Variants in TCF7L2 observed in about 807,000 individuals in gnomAD.
TCF7L2 encodes the protein transcription factor 7 like 2.
TCF7L2 carries 23 observed loss-of-function variants against 77.9 expected under a neutral mutation model. The ratio of observed to expected loss-of-function variants is 0.30; its 90% CI spans 0.21 to 0.42. The LOEUF is 0.42. Among genes scored for constraint, TCF7L2 ranks in the 10% least tolerant of loss-of-function variants. The pLI, the probability that TCF7L2 is intolerant of heterozygous loss-of-function variation, is 1.00. For synonymous variants in TCF7L2, 413 were observed against 340.2 expected (o/e 1.21, Z -2.36); for missense variants, 654 against 793.1 (o/e 0.82, Z 2.11).
chr10:113,130,774 A>ATTT (rs1237062508), intron 5 of TCF7L2, among the ~76,000 whole-genome samples: 4 of 151,058 alleles, frequency 2.6e-5, no homozygotes, highest in Non-Finnish European at 5.9e-5. Flanking sequence ...TATTATTATT[A>ATTT]TTATTTTTGA....
rs1592551662 is a variant in TCF7L2, at chr10:113,165,698, A to G, written c.1535A>G (p.Glu512Gly). The change falls in exon 14 of 14, where the codon GAG becomes GGG. Residue 512 changes from glutamate to glycine, a missense_variant. Glu to Gly is a moderately conservative substitution (Grantham distance 98). Around this residue, in one of 6 missense-constraint regions of TCF7L2, gnomAD observed 272 missense variants for 215.4 expected, o/e 1.26. Transcript: ENST00000627217. ...CCCCGAGACGCCAAGTCACAGACTG[A>G]GCAGACCCAGCCTCTGTCGCTGTCC... The G allele has an allele frequency of 6.2e-7, 1 of 1,607,448 alleles. No individual in the cohort carries two copies. Among genetic ancestry groups the G allele is most frequent in the Non-Finnish European group, 8.5e-7 (1 of 1,178,608 alleles).
intron 5 of TCF7L2, among the ~76,000 whole-genome samples, chr10:113,049,673 A>G (rs991379547): frequency 1.3e-5 from 2 of 152,166 alleles, no homozygotes; most frequent in Admixed American, 1.3e-4. Context: ...CCTTAGACAG[A>G]TCATATCACA....
Position 113,041,149 on chromosome 10 carries a change from T to C in TCF7L2, c.552+1023T>C, listed in dbSNP as rs565444748. 1.7e-4 allele frequency among the ~76,000 whole-genome samples: 26 copies of C among 152,364 alleles called. 1 individual carries two copies. The East Asian group carries it at 5.0e-3, about 29-fold the overall frequency. ...TTGCTGTAATTGAGCATGTGTTATTTAATGAGTTATACCTCTGTCATATGT... is the reference window on the plus strand; with the variant it reads ...TTGCTGTAATTGAGCATGTGTTATTCAATGAGTTATACCTCTGTCATATGT... On this transcript the variant is annotated intron_variant, in intron 5 of 13. Coordinates refer to ENST00000627217, the MANE Select transcript of TCF7L2 (RefSeq NM_001146274.2).
chr10:113,068,982 G>A (rs1477115073), intron 5 of TCF7L2, among the ~76,000 whole-genome samples: 1 of 151,470 alleles, frequency 6.6e-6, no homozygotes, highest in African/African-American at 2.4e-5. Flanking sequence ...TCTTTGGATG[G>A]GGTGTTTGTG....
intron 4 of TCF7L2, among the ~76,000 whole-genome samples, chr10:112,976,773 C>CT (rs2039500009): frequency 6.6e-6 from 1 of 152,290 alleles, no homozygotes; most frequent in African/African-American, 2.4e-5. Flanking sequence ...TGTTCGACCA[C>CT]TTTGTCAACT....
intron 5 of TCF7L2, among the ~76,000 whole-genome samples, chr10:113,053,545 G>A (rs1232724716): frequency 6.6e-6 from 1 of 152,162 alleles, no homozygotes; most frequent in African/African-American, 2.4e-5. Flanking sequence ...ATAGACCGGA[G>A]CTTTGGTTCT....
chr10:113,027,416 GAA>G (rs1324064606), intron 4 of TCF7L2, among the ~76,000 whole-genome samples: 1 of 152,174 alleles, frequency 6.6e-6, no homozygotes, highest in Non-Finnish European at 1.5e-5. Context: ...TCTCCAGGGA[GAA>G]AGTCTTTCTT....
At chr10:112,969,496 C>T (rs1217547367) in intron 4 of TCF7L2, among the ~76,000 whole-genome samples, 1 of 152,230 alleles carries the variant, frequency 6.6e-6, no homozygotes, top group Non-Finnish European at 1.5e-5. Context: ...TCTGTTTATA[C>T]ACCAAGAGTA....
chr10:113,134,638 C>G (rs2067133891), intron 5 of TCF7L2, among the ~76,000 whole-genome samples: 1 of 152,200 alleles, frequency 6.6e-6, no homozygotes, highest in South Asian at 2.1e-4. Flanking sequence ...TGATGTGAAA[C>G]TTTTATTAAC....
chr10:113,061,315 C>T (rs943667484), intron 5 of TCF7L2, among the ~76,000 whole-genome samples: 3 of 152,136 alleles, frequency 2.0e-5, no homozygotes, highest in Admixed American at 6.5e-5. Context: ...CTCTGTGCCT[C>T]GCTGGGACAG....
chr10:113,065,716 A>C (rs1279697054), intron 5 of TCF7L2, among the ~76,000 whole-genome samples: 1 of 152,138 alleles, frequency 6.6e-6, no homozygotes, highest in Non-Finnish European at 1.5e-5. Flanking sequence ...TTGAGAAGTT[A>C]ATAATCTCCA....
chr10:113,036,369 G>A (rs1045639402), intron 4 of TCF7L2, among the ~76,000 whole-genome samples: 5 of 152,026 alleles, frequency 3.3e-5, no homozygotes, highest in Non-Finnish European at 7.4e-5. Flanking sequence ...TTTCCTAAAG[G>A]AGCCTCTCCT....
intron 8 of TCF7L2, among the ~76,000 whole-genome samples, chr10:113,148,836 A>C (rs2070081766): frequency 6.6e-6 from 1 of 152,198 alleles, no homozygotes; most frequent in African/African-American, 2.4e-5. Flanking sequence ...ATGGGAATAT[A>C]CGCGTAGGTA....
intron 4 of TCF7L2, among the ~76,000 whole-genome samples, chr10:112,991,921 G>A (rs1348711286): frequency 6.6e-6 from 1 of 152,206 alleles, no homozygotes; most frequent in Non-Finnish European, 1.5e-5. Context: ...TGTTGGGGCC[G>A]GGGAGGGGTG....
At chr10:112,958,508 A>C (rs574712517) in intron 3 of TCF7L2, among the ~76,000 whole-genome samples, 2 of 152,086 alleles carry the variant, frequency 1.3e-5, no homozygotes, top group East Asian at 3.9e-4. Context: ...ATTCAAATGG[A>C]GCTAAGACCT....
intron 5 of TCF7L2, among the ~76,000 whole-genome samples, chr10:113,063,330 G>T (rs2056773933): frequency 6.6e-6 from 1 of 152,168 alleles, no homozygotes; most frequent in African/African-American, 2.4e-5. Context: ...GACGGTCATG[G>T]GCTTCGGGGG....
At chr10:113,012,698 C>A (rs2046659770) in intron 4 of TCF7L2, among the ~76,000 whole-genome samples, 2 of 152,164 alleles carry the variant, frequency 1.3e-5, no homozygotes, top group South Asian at 2.1e-4. Context: ...CATTTACATA[C>A]AAGCACCTGC....
intron 4 of TCF7L2, among the ~76,000 whole-genome samples, chr10:113,032,460 C>T (rs1458063068): frequency 6.6e-6 from 1 of 152,192 alleles, no homozygotes; most frequent in Non-Finnish European, 1.5e-5. Flanking sequence ...CCTTGGAAAA[C>T]AATTCAGTGT....
intron 5 of TCF7L2, among the ~76,000 whole-genome samples, chr10:113,055,252 T>C (rs1480423163): frequency 6.6e-6 from 1 of 152,236 alleles, no homozygotes; most frequent in African/African-American, 2.4e-5. Context: ...CACCAGCATA[T>C]AAACTCTTTC....
Sources: gnomAD v4.1 joint callset for allele counts (sites outside exome capture counted in the v4.1 genomes callset) on GRCh38, gnomAD v4.1.1 for gene constraint, gnomAD v4.1.1 regional missense constraint, MANE v1.5 for transcripts, NCBI Gene and HGNC (gene_info 2026-07-23, HGNC 2026-07-21) for gene names.